Variants in EYS observed in about 807,000 individuals in gnomAD.
EYS encodes the protein EGF-like photoreceptor maintenance factor.
Under a neutral mutation model 282.1 loss-of-function variants are expected in EYS, and 250 were observed. The ratio of observed to expected loss-of-function variants is 0.89; its 90% confidence interval spans 0.80 to 0.98. EYS has a LOEUF of 0.98. Among genes scored for constraint, EYS ranks in the 50% least tolerant of loss-of-function variants. The probability of loss-of-function intolerance (pLI) is 0.00; values close to 1 mark genes in which losing one functional copy is unlikely to be tolerated. For synonymous variants in EYS, 1,355 were observed against 1,282.9 expected (o/e 1.06, Z -1.20); for missense variants, 4,016 against 3,709.0 (o/e 1.08, Z -2.15).
At chr6:63,827,706 C>T (rs1056331287) in intron 36 of EYS, among the ~76,000 whole-genome samples, 2 of 151,700 alleles carry the variant, frequency 1.3e-5, no homozygotes, top group Non-Finnish European at 2.9e-5. Flanking sequence ...TAGCCGGGCG[C>T]TGTGGCGGGC....
chr6:65,645,053 C>T (rs528805752), intron 1 of EYS, among the ~76,000 whole-genome samples: 4 of 152,052 alleles, frequency 2.6e-5, no homozygotes, highest in Non-Finnish European at 5.9e-5. Context: ...TAATACCTCA[C>T]ATCTCAGTAC....
intron 26 of EYS, among the ~76,000 whole-genome samples, chr6:64,551,439 T>A (rs1765078373): frequency 6.6e-6 from 1 of 151,328 alleles, no homozygotes; most frequent in African/African-American, 2.4e-5. Context: ...GGGTGTCAAA[T>A]CAATTCAGAA....
intron 28 of EYS, chr6:64,400,516 AT>A (rs1315954668): frequency 6.6e-6 from 1 of 151,946 alleles, no homozygotes; most frequent in African/African-American, 2.4e-5. Context: ...GCAGGTTGTT[AT>A]TTTATTCAAG....
intron 14 of EYS, among the ~76,000 whole-genome samples, chr6:64,947,629 T>C (rs1029164076): frequency 4.0e-5 from 6 of 151,226 alleles, no homozygotes; most frequent in Admixed American, 2.6e-4. Flanking sequence ...ACAGTTTTCA[T>C]TGGTTGCGTT....
chr6:64,731,608 G>A (rs774657673), intron 22 of EYS, among the ~76,000 whole-genome samples: 1 of 152,190 alleles, frequency 6.6e-6, no homozygotes, highest in Admixed American at 6.5e-5. Context: ...AAACCACAAT[G>A]AGATACCATG....
intron 26 of EYS, among the ~76,000 whole-genome samples, chr6:64,512,789 T>C (rs1777450065): frequency 6.6e-6 from 1 of 152,018 alleles, no homozygotes; most frequent in Non-Finnish European, 1.5e-5. Context: ...ATTTACAGCC[T>C]GTACAATTTT....
At chr6:65,149,162 C>T (rs965173247) in intron 12 of EYS, among the ~76,000 whole-genome samples, 6 of 152,170 alleles carry the variant, frequency 3.9e-5, no homozygotes, top group African/African-American at 1.4e-4. Context: ...TTGAATTTCT[C>T]CTCAGAAAAT....
chr6:64,982,919 T>C (rs547740316), intron 14 of EYS, among the ~76,000 whole-genome samples: 10 of 151,316 alleles, frequency 6.6e-5, no homozygotes, highest in African/African-American at 2.4e-4. Context: ...AGCTGTCCAG[T>C]AACAACATTT....
intron 19 of EYS, among the ~76,000 whole-genome samples, chr6:64,824,204 T>A (rs1228517903): frequency 2.6e-5 from 4 of 151,820 alleles, no homozygotes; most frequent in Non-Finnish European, 2.9e-5. Flanking sequence ...TCATATGACA[T>A]AAAATACAGG....
intron 26 of EYS, among the ~76,000 whole-genome samples, chr6:64,565,868 A>G (rs904470930): frequency 1.3e-5 from 2 of 151,686 alleles, no homozygotes; most frequent in African/African-American, 4.8e-5. Flanking sequence ...AAAACATAAC[A>G]TTATATACCT....
intron 36 of EYS, among the ~76,000 whole-genome samples, chr6:63,860,658 T>A (rs1639245543): frequency 6.6e-6 from 1 of 152,188 alleles, no homozygotes; most frequent in African/African-American, 2.4e-5. Context: ...AGATCTTCTC[T>A]CCTATTTCCT....
chr6:65,557,303 G>A (rs1659367810), intron 2 of EYS, among the ~76,000 whole-genome samples: 1 of 152,176 alleles, frequency 6.6e-6, no homozygotes, highest in South Asian at 2.1e-4. Flanking sequence ...GAGTGGTGAG[G>A]AGTGTGTGCG....
intron 31 of EYS, among the ~76,000 whole-genome samples, chr6:64,230,137 T>C (rs572674383): frequency 6.6e-6 from 1 of 152,328 alleles, no homozygotes; most frequent in African/African-American, 2.4e-5. Flanking sequence ...GTTAAAACCA[T>C]ATTCTTAAGC....
At chr6:63,757,346 G>A (rs1279832874) in intron 41 of EYS, among the ~76,000 whole-genome samples, 1 of 151,960 alleles carries the variant, frequency 6.6e-6, no homozygotes, top group Non-Finnish European at 1.5e-5. Context: ...CCCCACCCTG[G>A]TAAATTTGAG....
chr6:64,159,765 C>G (rs1216433677), intron 31 of EYS, among the ~76,000 whole-genome samples: 5 of 151,860 alleles, frequency 3.3e-5, no homozygotes, highest in Non-Finnish European at 7.4e-5. Context: ...TGTGGCTCTT[C>G]TTTCCGTATT....
intron 14 of EYS, among the ~76,000 whole-genome samples, chr6:64,983,229 C>T (rs1197350419): frequency 6.6e-6 from 1 of 150,956 alleles, no homozygotes; most frequent in African/African-American, 2.4e-5. Context: ...GATTGCTACA[C>T]TGCCTAGACA....
chr6:63,931,489 A>G (rs978593724), intron 35 of EYS, among the ~76,000 whole-genome samples: 6 of 152,176 alleles, frequency 3.9e-5, no homozygotes, highest in Non-Finnish European at 7.3e-5. Flanking sequence ...ACTCTAGGCA[A>G]TGTAGTTTTG....
chr6:64,297,193 G>C (rs1769062020), intron 30 of EYS, among the ~76,000 whole-genome samples: 1 of 151,960 alleles, frequency 6.6e-6, no homozygotes, highest in African/African-American at 2.4e-5. Flanking sequence ...TCTGATAATA[G>C]AGCTGATGAT....
intron 29 of EYS, among the ~76,000 whole-genome samples, chr6:64,384,507 A>G (rs7768753): frequency 1.2e-3 from 185 of 152,304 alleles, no homozygotes; most frequent in Non-Finnish European, 2.2e-3. Context: ...TAAAAAACAA[A>G]TCTAATTGAT....
Sources: gnomAD v4.1 joint callset for allele counts (sites outside exome capture counted in the v4.1 genomes callset) on GRCh38, gnomAD v4.1.1 for gene constraint, MANE v1.5 for transcripts, NCBI Gene and HGNC (gene_info 2026-07-23, HGNC 2026-07-21) for gene names.